The following WIPI2 variants were observed in gnomAD, a reference collection of about 807,000 sequenced individuals.
The protein encoded by WIPI2 is WD repeat domain phosphoinositide-interacting protein 2.
WIPI2 carries 28 observed loss-of-function variants against 52.3 expected under a neutral mutation model. The ratio of observed to expected loss-of-function variants is 0.54; its 90% confidence interval spans 0.40 to 0.73. WIPI2 has a LOEUF of 0.73. WIPI2 is among the 30% of genes least tolerant of loss of function. The pLI, the probability that WIPI2 is intolerant of heterozygous loss-of-function variation, is 0.00. For missense variants in WIPI2, 506 were observed against 602.9 expected, an observed-to-expected ratio of 0.84 and a Z score of 1.68; for synonymous variants, 268 against 245.0, an observed-to-expected ratio of 1.09 and a Z score of -0.88.
At chr7:5,213,632 C>T (rs1332635572) in intron 3 of WIPI2, among the ~76,000 whole-genome samples, 1 of 152,164 alleles carries the variant, frequency 6.6e-6, no homozygotes, top group Non-Finnish European at 1.5e-5. Context: ...TTTGTGTTTG[C>T]ACGACACAAT....
At chr7:5,228,419 G>A (rs1053644193) in intron 11 of WIPI2, among the ~76,000 whole-genome samples, 4 of 152,276 alleles carry the variant, frequency 2.6e-5, no homozygotes, top group African/African-American at 7.2e-5. Context: ...GGCTGCGGCT[G>A]GTGGCGTCAG....
At chr7:5,229,498 C>T (rs1783614938) in intron 11 of WIPI2, 110 bp from the exon 12 acceptor site, 12 of 1,350,682 alleles carry the variant, frequency 8.9e-6, no homozygotes, top group African/African-American at 1.5e-5. Context: ...GCCTGGCGTC[C>T]TGTGTGGTGA....
At chr7:5,207,974 C>T (rs1782373583) in intron 3 of WIPI2, among the ~76,000 whole-genome samples, 1 of 152,090 alleles carries the variant, frequency 6.6e-6, no homozygotes, top group Admixed American at 6.6e-5. Flanking sequence ...CCATGTTGGC[C>T]AGGCTGGCCT....
In WIPI2 at chr7:5,215,013, T is replaced by TA. The variant is rs929383414; in HGVS notation, c.381+317dup. Among the ~76,000 whole-genome samples the TA allele has an allele frequency of 5.9e-5, 9 of 152,002 alleles. 1 individual carries two copies. Among genetic ancestry groups the TA allele is most frequent in the South Asian group, 2.1e-4 (1 of 4,830 alleles). ...TGGTTTTGCTTTTATAAATGTTACT[T>TA]AAAAAAAATATATTTGGCCGAGCAC... On this transcript the variant is annotated intron_variant, in intron 4 of 12. Coordinates refer to ENST00000288828, the MANE Select transcript of WIPI2 (RefSeq NM_015610.4).
rs1380436083 is a variant in WIPI2 at position 5,229,791 on chromosome 7, C to T, written c.1252+53C>T. ...GTAATTAGCCCCACAGCCCCGAGTG[C>T]TACTGCCTTCTGCTGGCTCCGGAGC... On this transcript the variant is annotated intron_variant, in intron 12 of 12. Coordinates refer to ENST00000288828, the MANE Select transcript of WIPI2 (RefSeq NM_015610.4). 15 of 1,603,280 alleles carry T rather than the reference C, an allele frequency of 9.4e-6. No homozygotes were observed. In the East Asian group the frequency reaches 3.1e-4, roughly 33 times the overall value.
intron 1 of WIPI2, 67 bp downstream of exon 1, chr7:5,190,560 C>T: frequency 7.5e-7 from 1 of 1,335,390 alleles, no homozygotes; most frequent in Non-Finnish European, 9.7e-7. Flanking sequence ...GGGGGAGGGC[C>T]TCGCTGCCAA....
At chr7:5,223,665 G>T (rs989358530) in intron 8 of WIPI2, among the ~76,000 whole-genome samples, 1 of 152,268 alleles carries the variant, frequency 6.6e-6, no homozygotes, top group South Asian at 2.1e-4. Flanking sequence ...GGGGCTGGAC[G>T]TGTAGCCTGG....
At chr7:5,196,115 G>A (rs1420939818) in intron 2 of WIPI2, among the ~76,000 whole-genome samples, 1 of 151,958 alleles carries the variant, frequency 6.6e-6, no homozygotes, top group Middle Eastern at 3.2e-3. Flanking sequence ...TGAGGCAGGT[G>A]GATCACCTGA....
At chr7:5,224,430 G>A (rs143585354) in intron 8 of WIPI2, among the ~76,000 whole-genome samples, 59 of 152,306 alleles carry the variant, frequency 3.9e-4, no homozygotes, top group African/African-American at 1.3e-3. Context: ...CACCTTGCCC[G>A]CTGCCTAGGC....
intron 6 of WIPI2, chr7:5,217,636 T>G (rs1343925120): frequency 2.2e-6 from 1 of 451,010 alleles, no homozygotes; most frequent in East Asian, 4.5e-5. Context: ...TCTGGCTCAT[T>G]CTGCTTCTGG....
chr7:5,220,023 A>G (rs1358514781), intron 7 of WIPI2, among the ~76,000 whole-genome samples: 2 of 151,904 alleles, frequency 1.3e-5, no homozygotes, highest in Non-Finnish European at 2.9e-5. Flanking sequence ...TTTTGTAGAG[A>G]TGGGGTTTCA....
At chr7:5,190,612 C>G in intron 1 of WIPI2, 119 bp downstream of exon 1, 1 of 1,015,250 alleles carries the variant, frequency 9.8e-7, no homozygotes, top group Non-Finnish European at 1.3e-6. Flanking sequence ...CGGGCCAAGG[C>G]GCGCAGAGGC....
intron 2 of WIPI2, among the ~76,000 whole-genome samples, chr7:5,195,499 AAAAT>A (rs1236819412): frequency 2.6e-5 from 4 of 152,214 alleles, no homozygotes; most frequent in African/African-American, 4.8e-5. Context: ...AAAATAAATA[AAAAT>A]AAATAAATCC....
At chr7:5,216,538 T>C in intron 4 of WIPI2, 25 bp from the exon 5 acceptor site, 1 of 1,609,476 alleles carries the variant, frequency 6.2e-7, no homozygotes, top group Non-Finnish European at 8.5e-7. Context: ...GCTTCACGTT[T>C]GGTTTCGTTT....
At chr7:5,229,472 C>T in intron 11 of WIPI2, 136 bp from the exon 12 acceptor site, 2 of 1,065,788 alleles carry the variant, frequency 1.9e-6, no homozygotes, top group Non-Finnish European at 2.6e-6. Context: ...ATTAAAGTTG[C>T]CACGGCGTGA....
intron 2 of WIPI2, 33 bp downstream of exon 2, chr7:5,193,204 C>A: frequency 6.2e-7 from 1 of 1,609,490 alleles, no homozygotes; most frequent in Non-Finnish European, 8.5e-7. Flanking sequence ...GAAAGTATCA[C>A]CTTGGAAGGC....
At chr7:5,206,998 C>CA (rs1340197442) in intron 3 of WIPI2, among the ~76,000 whole-genome samples, 1 of 152,124 alleles carries the variant, frequency 6.6e-6, no homozygotes, top group Non-Finnish European at 1.5e-5. Context: ...AGGCTAGTCT[C>CA]AAACTCCTGG....
At chr7:5,190,662 C>T (rs1212339028) in intron 1 of WIPI2, 169 bp downstream of exon 1, 5 of 546,204 alleles carry the variant, frequency 9.2e-6, no homozygotes, top group Admixed American at 4.5e-5. Context: ...GGAGGGGCGC[C>T]CTCCAGGGAG....
chr7:5,209,993 CGTCTCT>C (rs1782476233), intron 3 of WIPI2, among the ~76,000 whole-genome samples: 1 of 152,098 alleles, frequency 6.6e-6, no homozygotes. Flanking sequence ...CTGCAACCTC[CGTCTCT>C]CAGGTTCAAC....
Sources: allele counts gnomAD v4.1 joint callset (sites outside exome capture counted in the v4.1 genomes callset), GRCh38; gene constraint gnomAD v4.1.1; transcripts MANE v1.5; gene names NCBI Gene and HGNC (gene_info 2026-07-23, HGNC 2026-07-21).